The following ING5 variants were observed in gnomAD, a reference collection of about 807,000 sequenced individuals.
The protein encoded by ING5 is inhibitor of growth family member 5, also known as inhibitor of growth protein 5.
Under a neutral mutation model 37.4 loss-of-function variants are expected in ING5, and 17 were observed. The observed-to-expected ratio is 0.45, with a 90% CI of 0.31 to 0.68. The LOEUF (loss-of-function observed/expected upper bound fraction) is 0.68, where lower values mean the gene tolerates loss of function less well. ING5 is among the 30% of genes least tolerant of loss of function. ING5 has a pLI of 0.05. For synonymous variants in ING5, 123 were observed against 116.6 expected (o/e 1.06, Z -0.36); for missense variants, 233 against 311.9 (o/e 0.75, Z 1.91).
upstream of ING5, among the ~76,000 whole-genome samples, chr2:241,697,251 C>T (rs1379381207): frequency 2.0e-5 from 3 of 151,846 alleles, no homozygotes; most frequent in South Asian, 2.1e-4. Flanking sequence ...CTGGCTAACA[C>T]GGTGAAACCC....
intron 3 of ING5, among the ~76,000 whole-genome samples, chr2:241,710,067 C>T (rs936684802): frequency 1.7e-4 from 25 of 148,986 alleles, no homozygotes; most frequent in African/African-American, 3.2e-4. Flanking sequence ...CTCAGTCTCC[C>T]GAGTAGCTGA....
At chr2:241,709,066 C>T in intron 2 of ING5, 150 bp from the exon 3 acceptor site, 1 of 789,058 alleles carries the variant, frequency 1.3e-6, no homozygotes. Flanking sequence ...AACGGTTCTG[C>T]CCACTTGCGC....
chr2:241,701,186 A>T (rs947850606), upstream of ING5, among the ~76,000 whole-genome samples: 1 of 150,042 alleles, frequency 6.7e-6, no homozygotes. Flanking sequence ...CTGGTCTCAA[A>T]TTCCTGCCCT....
Position 241,702,109 on chromosome 2 carries a change from G to T in ING5, c.37+7G>T. ...TTGGAGCACTATCTGGACAGTAAGC[G>T]CGCCCCACGGGCCCCGCGCCCGCCG... On this transcript the variant is annotated splice_region_variant and intron_variant, in intron 1 of 7. Coordinates refer to ENST00000313552, the MANE Select transcript of ING5 (RefSeq NM_032329.6). 7.5e-7 allele frequency: 1 copy of T among 1,325,836 alleles called. No homozygotes were observed. 82.1% of individuals were successfully genotyped at this position (1,325,836 alleles called of 1,614,324 possible).
chr2:241,695,953 C>T (rs996029272), intron 2 of ING5, among the ~76,000 whole-genome samples: 1 of 152,118 alleles, frequency 6.6e-6, no homozygotes, highest in Non-Finnish European at 1.5e-5. Flanking sequence ...GTAAGACAGG[C>T]TGGGTGCGGC....
At chr2:241,714,609 TTC>T (rs201014466) in intron 5 of ING5, among the ~76,000 whole-genome samples, 2,437 of 152,156 alleles carry the variant, frequency 0.016, 22 homozygotes, top group Non-Finnish European at 0.024. Flanking sequence ...TTTTTTTTTT[TTC>T]CCTGAGGGCA....
chr2:241,687,168 G>T, exon 1 of ING5: 1 of 392,370 alleles, frequency 2.5e-6, no homozygotes, highest in Non-Finnish European at 4.5e-6. Context: ...GACGCTGCCC[G>T]CCCAGCGTCG....
At chr2:241,702,765 C>T (rs1246110867) in intron 1 of ING5, among the ~76,000 whole-genome samples, 2 of 152,254 alleles carry the variant, frequency 1.3e-5, no homozygotes, top group Non-Finnish European at 2.9e-5. Flanking sequence ...CCTCACTTTA[C>T]ACACCAGGGA....
chr2:241,708,396 ACG>A (rs1307841055), intron 2 of ING5, among the ~76,000 whole-genome samples: 1 of 150,390 alleles, frequency 6.6e-6, no homozygotes, highest in Admixed American at 6.7e-5. Context: ...TTTAGTAGAG[ACG>A]GGGTTTCATC....
Position 241,725,186 on chromosome 2 carries a change from C to T in ING5, c.*155C>T. The T allele has an allele frequency of 1.2e-6, 1 of 815,366 alleles. No homozygotes were observed. Among genetic ancestry groups the T allele is most frequent in the Non-Finnish European group, 2.0e-6 (1 of 494,284 alleles). 50.5% of individuals were successfully genotyped at this position (815,366 alleles called of 1,614,324 possible). A position where few individuals can be genotyped will look rare whatever the true frequency, so the allele number is the denominator to read the frequency against. ...GGATGTTTCCTAGAACAAGAACCAC[C>T]AAAGCCTGTTCGCACAGAAGGGCGA... On this transcript the variant is annotated 3_prime_UTR_variant, in exon 8 of 8. Transcript: ENST00000313552.
intron 2 of ING5, among the ~76,000 whole-genome samples, chr2:241,692,265 C>A (rs909586398): frequency 6.6e-6 from 1 of 152,000 alleles, no homozygotes; most frequent in Non-Finnish European, 1.5e-5. Flanking sequence ...ACAACTTGAA[C>A]ATTATGAAAC....
intron 1 of ING5, among the ~76,000 whole-genome samples, chr2:241,703,947 C>T (rs762289914): frequency 2.4e-4 from 37 of 152,224 alleles, no homozygotes; most frequent in Non-Finnish European, 4.7e-4. Flanking sequence ...GTCGCGTGGG[C>T]AGCGTGGCTA....
At chr2:241,718,117 A>G (rs952709959) in intron 5 of ING5, among the ~76,000 whole-genome samples, 1 of 152,018 alleles carries the variant, frequency 6.6e-6, no homozygotes, top group Non-Finnish European at 1.5e-5. Context: ...GGTTCAAGCC[A>G]TTCTCCCGCC....
chr2:241,722,208 G>A (rs563769224), intron 5 of ING5: 2 of 985,444 alleles, frequency 2.0e-6, no homozygotes, highest in Admixed American at 6.1e-5. Context: ...TCAGTCTGGA[G>A]TGGGAGGCTG....
chr2:241,719,821 A>G, intron 5 of ING5: 1 of 1,415,588 alleles, frequency 7.1e-7, no homozygotes, highest in Non-Finnish European at 9.2e-7. Flanking sequence ...AGCACTGTTT[A>G]GTAGCAATGC....
intron 2 of ING5, among the ~76,000 whole-genome samples, chr2:241,707,933 T>G (rs1274214249): frequency 1.3e-5 from 2 of 152,154 alleles, no homozygotes; most frequent in Admixed American, 6.5e-5. Context: ...GAGTCTCGCT[T>G]TACCATCAGG....
chr2:241,722,565 G>A (rs2070458837), intron 5 of ING5: 1 of 985,426 alleles, frequency 1.0e-6, no homozygotes, highest in Non-Finnish European at 1.2e-6. Flanking sequence ...AGCATCAGCT[G>A]ACAATCTGTT....
chr2:241,728,459 T>G lies in ING5; in HGVS notation c.*3428T>G, dbSNP rs1691705161. 1 of 152,760 alleles carries G rather than the reference T, an allele frequency of 6.5e-6. No individual in the cohort carries two copies. The highest frequency in any genetic ancestry group is 2.4e-5 in the African/African-American group (1 of 41,462). The allele number at this position is 152,760 out of a possible 1,614,324, so 9.5% of individuals were successfully genotyped here. Reference sequence around the variant, plus strand: ...GTCCTCTGTGGCTGTGCGATTGACCTCGATGGGAAGGAGCGTTCTACCCAT... The same window carrying G: ...GTCCTCTGTGGCTGTGCGATTGACCGCGATGGGAAGGAGCGTTCTACCCAT... On this transcript the variant is annotated 3_prime_UTR_variant, in exon 8 of 8. Transcript: ENST00000313552.
chr2:241,719,594 C>T lies in ING5; in HGVS notation c.483-3345C>T, dbSNP rs750425432. On this transcript the variant is annotated intron_variant, in intron 5 of 7. Transcript: ENST00000313552. Reference sequence around the variant, plus strand: ...GGACTCCTCCTGGTCTCTTCCTCACCCAGTGCTGTTTCTCAAGGGTATGCT... The same window carrying T: ...GGACTCCTCCTGGTCTCTTCCTCACTCAGTGCTGTTTCTCAAGGGTATGCT... The T allele has an allele frequency of 2.6e-6, 4 of 1,536,058 alleles. 1 individual carries two copies. In the South Asian group the frequency reaches 4.8e-5, roughly 18 times the overall value.
Sources: gnomAD v4.1 joint callset for allele counts (sites outside exome capture counted in the v4.1 genomes callset) on GRCh38, gnomAD v4.1.1 for gene constraint, MANE v1.5 for transcripts, NCBI Gene and HGNC (gene_info 2026-07-23, HGNC 2026-07-21) for gene names.